The following ZNF521 variants were observed in gnomAD, a reference collection of about 807,000 sequenced individuals.
The protein encoded by ZNF521 is zinc finger protein 521, also known as LYST-interacting protein 3.
A neutral mutation model predicts 105.5 loss-of-function variants in ZNF521; 14 were observed. The observed-to-expected ratio is 0.13, with a 90% CI of 0.09 to 0.21. The LOEUF is 0.21. Ranked by LOEUF, ZNF521 falls within the 10% of genes least tolerant of loss-of-function variation. ZNF521 has a pLI of 1.00. For synonymous variants in ZNF521, 635 were observed against 606.0 expected, an observed-to-expected ratio of 1.05 and a Z score of -0.70; for missense variants, 1,233 against 1,629.7, an observed-to-expected ratio of 0.76 and a Z score of 4.19.
At chr18:25,133,951 T>C (rs961870505) in intron 5 of ZNF521, among the ~76,000 whole-genome samples, 3 of 152,144 alleles carry the variant, frequency 2.0e-5, no homozygotes, top group Non-Finnish European at 2.9e-5. Context: ...AGGGCTGAAT[T>C]TTAACAGGAA....
At chr18:25,237,106 A>G (rs1568028166) in intron 3 of ZNF521, among the ~76,000 whole-genome samples, 1 of 152,074 alleles carries the variant, frequency 6.6e-6, no homozygotes. Context: ...AGTTCATTTC[A>G]TTATTTTTTT....
At chr18:25,150,233 G>A (rs1159445903) in intron 5 of ZNF521, among the ~76,000 whole-genome samples, 3 of 152,144 alleles carry the variant, frequency 2.0e-5, no homozygotes, top group Non-Finnish European at 4.4e-5. Context: ...TAAGCTATAA[G>A]GATGCAAAGG....
rs2035901171 is a variant in ZNF521 at position 25,196,308 on chromosome 18, T to C, written c.3574-1064A>G. ...TAAGCGTTTTTTACAGAATTATCGT[T>C]TCATTTGAAATCATATAAAATTGTT... On this transcript the variant is annotated intron_variant, in intron 4 of 7. Transcript: ENST00000361524. Among the ~76,000 whole-genome samples, 5 of 151,808 alleles carry C rather than the reference T, an allele frequency of 3.3e-5. No homozygotes were observed. The South Asian group carries it at 1.0e-3, about 31-fold the overall frequency.
chr18:25,292,888 C>T (rs941788856), intron 3 of ZNF521, among the ~76,000 whole-genome samples: 5 of 152,104 alleles, frequency 3.3e-5, no homozygotes, highest in Admixed American at 3.3e-4. Context: ...AACCTGAATC[C>T]AAGGTAGGAC....
chr18:25,119,708 AT>A (rs1331268322), intron 5 of ZNF521, among the ~76,000 whole-genome samples: 1 of 152,126 alleles, frequency 6.6e-6, no homozygotes, highest in Non-Finnish European at 1.5e-5. Flanking sequence ...AGAGATACAG[AT>A]GCTTGTATTA....
Position 25,290,374 on chromosome 18 carries a change from T to A in ZNF521, c.220+31634A>T, listed in dbSNP as rs1054480810. 5.9e-5 allele frequency among the ~76,000 whole-genome samples: 9 copies of A among 152,296 alleles called. No individual in the cohort carries two copies. The South Asian group carries it at 1.2e-3, about 21-fold the overall frequency. On this transcript the variant is annotated intron_variant, in intron 3 of 7. Transcript: ENST00000361524. ...GGTGATTATGAACACCTTAAAAAGC[T>A]GGTGTTTTATTCCAAATTTAAATTT...
chr18:25,095,090 G>C (rs781484947), intron 5 of ZNF521, among the ~76,000 whole-genome samples: 5 of 151,100 alleles, frequency 3.3e-5, no homozygotes, highest in Non-Finnish European at 5.9e-5. Context: ...AGAATTGGGT[G>C]GGGGGGATCT....
chr18:25,247,464 G>T (rs1243124773), intron 3 of ZNF521, among the ~76,000 whole-genome samples: 1 of 152,152 alleles, frequency 6.6e-6, no homozygotes, highest in Non-Finnish European at 1.5e-5. Flanking sequence ...GACCTTGGCT[G>T]CACATTAAAA....
At chr18:25,191,183 GA>G in intron 5 of ZNF521, among the ~76,000 whole-genome samples, 1 of 151,984 alleles carries the variant, frequency 6.6e-6, no homozygotes, top group East Asian at 1.9e-4. Flanking sequence ...CTAGTCAGAT[GA>G]AAAAAATAAA....
chr18:25,121,109 G>GTA (rs2034432447), intron 5 of ZNF521, among the ~76,000 whole-genome samples: 1 of 56,544 alleles, frequency 1.8e-5, no homozygotes, highest in Non-Finnish European at 4.0e-5. Flanking sequence ...GGAAGAAGGA[G>GTA]TATTTTTTTT....
intron 3 of ZNF521, among the ~76,000 whole-genome samples, chr18:25,228,957 ACAC>A (rs988080181): frequency 1.9e-4 from 29 of 152,208 alleles, no homozygotes; most frequent in African/African-American, 7.0e-4. Context: ...TCAAAAAAAC[ACAC>A]AAGTAAAGAC....
intron 5 of ZNF521, among the ~76,000 whole-genome samples, chr18:25,112,275 C>T (rs762596049): frequency 3.9e-5 from 6 of 152,114 alleles, no homozygotes; most frequent in Non-Finnish European, 7.3e-5. Context: ...GCTAGGGGCC[C>T]GTGACAAAGG....
intron 3 of ZNF521, among the ~76,000 whole-genome samples, chr18:25,298,062 C>A (rs1395968357): frequency 1.3e-5 from 2 of 152,002 alleles, no homozygotes; most frequent in South Asian, 2.1e-4. Flanking sequence ...GAAAAGGTGC[C>A]GATGTTGGTT....
At chr18:25,209,029 T>G (rs2036131211) in intron 4 of ZNF521, among the ~76,000 whole-genome samples, 1 of 152,244 alleles carries the variant, frequency 6.6e-6, no homozygotes. Context: ...CTTTGTCAAG[T>G]TAGATTTAAC....
chr18:25,184,900 T>G (rs1357526747), intron 5 of ZNF521, among the ~76,000 whole-genome samples: 3 of 152,214 alleles, frequency 2.0e-5, no homozygotes, highest in Non-Finnish European at 4.4e-5. Flanking sequence ...TGTTCACAAT[T>G]CTGTTCAATA....
In ZNF521 at chr18:25,341,480, G is replaced by A. The variant is rs188534948; in HGVS notation, c.40+9427C>T. Among the ~76,000 whole-genome samples the A allele has an allele frequency of 9.6e-4, 146 of 152,262 alleles. 2 individuals are homozygous for A. The highest frequency in any genetic ancestry group is 3.4e-3 in the Middle Eastern group (1 of 294). On this transcript the variant is annotated intron_variant, in intron 2 of 7. Coordinates refer to ENST00000361524, the MANE Select transcript of ZNF521 (RefSeq NM_015461.3). ...CATTGCACGATTAACTTTCAAAAATGTTATCCAGAACTTTTAGGAGGGGTA... is the reference window on the plus strand; with the variant it reads ...CATTGCACGATTAACTTTCAAAAATATTATCCAGAACTTTTAGGAGGGGTA...
At chr18:25,166,178 C>T (rs1277962477) in intron 5 of ZNF521, among the ~76,000 whole-genome samples, 2 of 152,278 alleles carry the variant, frequency 1.3e-5, no homozygotes, top group East Asian at 3.9e-4. Context: ...TGTTCCATCA[C>T]ATTCAAGTTT....
At chr18:25,117,052 T>TACACAC (rs1278664215) in intron 5 of ZNF521, among the ~76,000 whole-genome samples, 10 of 33,896 alleles carry the variant, frequency 3.0e-4, no homozygotes, top group Admixed American at 5.5e-4. Context: ...CACACATATA[T>TACACAC]ATACACACAC....
At chr18:25,297,818 G>A (rs1225764261) in intron 3 of ZNF521, among the ~76,000 whole-genome samples, 2 of 151,116 alleles carry the variant, frequency 1.3e-5, no homozygotes, top group African/African-American at 2.5e-5. Flanking sequence ...CTAGAAGACT[G>A]AGATGAGTTT....
Sources: gnomAD v4.1 joint callset for allele counts (sites outside exome capture counted in the v4.1 genomes callset) on GRCh38, gnomAD v4.1.1 for gene constraint, MANE v1.5 for transcripts, NCBI Gene and HGNC (gene_info 2026-07-23, HGNC 2026-07-21) for gene names.